Variants in PCDHA6 observed in about 807,000 individuals in gnomAD.
The protein encoded by PCDHA6 is protocadherin alpha 6.
PCDHA6 carries 55 observed loss-of-function variants against 60.3 expected under a neutral mutation model. The ratio of observed to expected loss-of-function variants is 0.91; its 90% CI spans 0.73 to 1.14. The LOEUF (loss-of-function observed/expected upper bound fraction) is 1.14. Among genes scored for constraint, PCDHA6 ranks in the 50% most tolerant of loss-of-function variants. PCDHA6 has a pLI of 0.00. For missense variants in PCDHA6, 1,327 were observed against 1,256.5 expected (o/e 1.06, Z -0.85); for synonymous variants, 652 against 557.9 (o/e 1.17, Z -2.38).
chr5:140,897,885 C>G (rs1554187646), intron 1 of PCDHA6, among the ~76,000 whole-genome samples: 1 of 152,182 alleles, frequency 6.6e-6, no homozygotes, highest in Non-Finnish European at 1.5e-5. Context: ...GCCATTCTAA[C>G]TGGTGTGAGA....
chr5:140,855,049 C>G (rs188702829), intron 1 of PCDHA6, among the ~76,000 whole-genome samples: 3 of 149,820 alleles, frequency 2.0e-5, no homozygotes, highest in South Asian at 2.1e-4. Context: ...TGTAATAGTA[C>G]TTTTCTGTTT....
At position 140,828,225 on chromosome 5, in the gene PCDHA6, T is replaced by A. The variant is rs1554131106; in HGVS notation, c.134T>A (p.Val45Glu). 6.2e-7 allele frequency: 1 copy of A among 1,613,878 alleles called. No individual in the cohort carries two copies. The highest frequency in any genetic ancestry group is 2.2e-5 in the East Asian group (1 of 44,902). ...GAGGAGGCCAAACACGGCACCTTCG[T>A]GGGCCGGATCGCGCAGGACCTGGGG... ...VPEEAKHGTF[V>E]GRIAQDLGLE... Residue 45 changes from valine (V) to glutamate (E), a missense_variant, in exon 1 of 4, where the codon GTG becomes GAG. Transcript: ENST00000529310.
chr5:140,914,427 T>C (rs2076707638), intron 1 of PCDHA6, among the ~76,000 whole-genome samples: 1 of 152,196 alleles, frequency 6.6e-6, no homozygotes, highest in African/African-American at 2.4e-5. Context: ...TAGCAAGGAA[T>C]ATCTTTTCCC....
intron 1 of PCDHA6, chr5:140,864,231 T>G (rs949424981): frequency 2.0e-5 from 3 of 152,222 alleles, no homozygotes; most frequent in Non-Finnish European, 4.4e-5. Flanking sequence ...AAGCAAGTTC[T>G]TTATTCCTAT....
At chr5:140,912,385 C>A (rs1323082765) in intron 1 of PCDHA6, among the ~76,000 whole-genome samples, 6 of 148,114 alleles carry the variant, frequency 4.1e-5, no homozygotes, top group African/African-American at 1.5e-4. Context: ...GGATTGAGTT[C>A]TTAATTTGAT....
intron 1 of PCDHA6, among the ~76,000 whole-genome samples, chr5:140,874,132 A>C (rs181983769): frequency 1.3e-5 from 2 of 152,240 alleles, no homozygotes; most frequent in East Asian, 3.8e-4. Flanking sequence ...TATTTAAGTT[A>C]TCTTATACTT....
intron 1 of PCDHA6, among the ~76,000 whole-genome samples, chr5:140,908,928 A>G (rs1426452860): frequency 6.6e-6 from 1 of 152,224 alleles, no homozygotes; most frequent in Non-Finnish European, 1.5e-5. Flanking sequence ...GGCCAAATGC[A>G]GCAACTTATC....
intron 1 of PCDHA6, chr5:140,849,371 G>C: frequency 6.7e-7 from 1 of 1,495,460 alleles, no homozygotes. Flanking sequence ...TAAAATCCAA[G>C]TTCCACATGG....
chr5:140,879,097 G>T (rs2057851255), intron 1 of PCDHA6, among the ~76,000 whole-genome samples: 1 of 152,214 alleles, frequency 6.6e-6, no homozygotes, highest in Non-Finnish European at 1.5e-5. Flanking sequence ...CAACTGCACA[G>T]TATATGGTGT....
intron 1 of PCDHA6, among the ~76,000 whole-genome samples, chr5:140,924,152 C>T (rs1163487854): frequency 6.6e-6 from 1 of 152,176 alleles, no homozygotes; most frequent in African/African-American, 2.4e-5. Context: ...TGAAGAAATG[C>T]ACATCCTAAT....
At chr5:140,908,185 G>C (rs1399259532) in intron 1 of PCDHA6, among the ~76,000 whole-genome samples, 1 of 152,148 alleles carries the variant, frequency 6.6e-6, no homozygotes, top group East Asian at 1.9e-4. Flanking sequence ...TCCACTTTCA[G>C]GTGGTGGACA....
intron 1 of PCDHA6, among the ~76,000 whole-genome samples, chr5:140,903,726 A>G (rs2070539731): frequency 6.6e-6 from 1 of 152,248 alleles, no homozygotes; most frequent in South Asian, 2.1e-4. Context: ...TCTCCCTATT[A>G]TCAATTATTA....
At chr5:140,998,472 A>G (rs1212895520) in intron 3 of PCDHA6, among the ~76,000 whole-genome samples, 1 of 151,938 alleles carries the variant, frequency 6.6e-6, no homozygotes, top group Non-Finnish European at 1.5e-5. Context: ...TTTTCCTCCC[A>G]CTGTGCTGTA....
intron 1 of PCDHA6, among the ~76,000 whole-genome samples, chr5:140,888,049 T>C (rs554327528): frequency 1.3e-5 from 2 of 152,354 alleles, no homozygotes; most frequent in South Asian, 2.1e-4. Context: ...GTATAATAGA[T>C]GTTTTAACTT....
At chr5:140,871,313 C>T (rs371295919) in intron 1 of PCDHA6, 2 of 1,614,042 alleles carry the variant, frequency 1.2e-6, no homozygotes, top group Non-Finnish European at 1.7e-6. Flanking sequence ...GGGAAGCCCA[C>T]GCTGGTGTGC....
intron 1 of PCDHA6, among the ~76,000 whole-genome samples, chr5:140,925,576 A>G (rs1157907719): frequency 2.0e-5 from 3 of 151,872 alleles, no homozygotes; most frequent in African/African-American, 7.3e-5. Flanking sequence ...CAGCACACCA[A>G]CATGGCGCAT....
intron 1 of PCDHA6, chr5:140,927,159 C>G (rs782468229): frequency 6.2e-7 from 1 of 1,614,046 alleles, no homozygotes; most frequent in Non-Finnish European, 8.5e-7. Context: ...TGTGCAGGGC[C>G]AAAGCTGCCT....
intron 1 of PCDHA6, among the ~76,000 whole-genome samples, chr5:140,975,052 T>C (rs2096651440): frequency 6.6e-6 from 1 of 152,206 alleles, no homozygotes; most frequent in South Asian, 2.1e-4. Context: ...AGGAAGAATC[T>C]ACTATCGAGC....
chr5:140,851,225 C>G, intron 1 of PCDHA6: 4 of 1,141,878 alleles, frequency 3.5e-6, no homozygotes, highest in Non-Finnish European at 3.3e-6. Context: ...ACATCACTAT[C>G]ATTTATTTAT....
Sources: allele counts gnomAD v4.1 joint callset (sites outside exome capture counted in the v4.1 genomes callset), GRCh38; gene constraint gnomAD v4.1.1; transcripts MANE v1.5; gene names NCBI Gene and HGNC (gene_info 2026-07-23, HGNC 2026-07-21).